The following SUGCT variants were observed in gnomAD, a reference collection of about 807,000 sequenced individuals.
SUGCT encodes the protein succinyl-CoA:glutarate CoA-transferase.
In SUGCT, 41 loss-of-function variants were observed where a neutral mutation model predicts 55.0. That is an observed-to-expected ratio of 0.74 (90% CI 0.58 to 0.97). SUGCT has a LOEUF of 0.97. SUGCT is among the 50% of genes least tolerant of loss of function. SUGCT has a pLI of 0.00. For missense variants in SUGCT, 568 were observed against 547.8 expected, an observed-to-expected ratio of 1.04 and a Z score of -0.37; for synonymous variants, 187 against 200.4, an observed-to-expected ratio of 0.93 and a Z score of 0.56.
chr7:40,716,636 A>G (rs1315687301), intron 12 of SUGCT, among the ~76,000 whole-genome samples: 40 of 152,132 alleles, frequency 2.6e-4, no homozygotes, highest in Admixed American at 2.6e-3. Context: ...GATTACTTTT[A>G]TTAAATATTT....
At chr7:40,670,710 A>G (rs1271370506) in intron 12 of SUGCT, among the ~76,000 whole-genome samples, 2 of 152,140 alleles carry the variant, frequency 1.3e-5, no homozygotes, top group African/African-American at 2.4e-5. Flanking sequence ...GCAAAATACT[A>G]CAACTCACTC....
intron 12 of SUGCT, among the ~76,000 whole-genome samples, chr7:40,627,316 T>C (rs556113549): frequency 6.6e-6 from 1 of 152,360 alleles, no homozygotes; most frequent in East Asian, 1.9e-4. Flanking sequence ...CAGAATCTTC[T>C]TGGGTCCAAA....
intron 6 of SUGCT, among the ~76,000 whole-genome samples, chr7:40,216,498 C>CAA (rs1022915051): frequency 0.047 from 2,306 of 49,318 alleles, 126 homozygotes; most frequent in African/African-American, 0.14. Context: ...GACTCCGTCT[C>CAA]AAAAAAAAAA....
intron 9 of SUGCT, among the ~76,000 whole-genome samples, chr7:40,371,540 A>C (rs1784295997): frequency 6.6e-6 from 1 of 152,288 alleles, no homozygotes; most frequent in Admixed American, 6.5e-5. Flanking sequence ...AGAGAAAACA[A>C]ATTCATTACA....
chr7:40,962,913 T>G, the SUGCT span, among the ~76,000 whole-genome samples: 1 of 152,160 alleles, frequency 6.6e-6, no homozygotes, highest in Non-Finnish European at 1.5e-5. Context: ...TAGGCAGGTT[T>G]CCAGGAAGAT....
chr7:40,875,835 A>C, the SUGCT span, among the ~76,000 whole-genome samples: 2 of 152,236 alleles, frequency 1.3e-5, no homozygotes. Flanking sequence ...TTCTGGTCCA[A>C]GGGATGAGGG....
the SUGCT span, among the ~76,000 whole-genome samples, chr7:40,902,485 C>T: frequency 1.4e-5 from 2 of 148,022 alleles, no homozygotes; most frequent in Non-Finnish European, 3.0e-5. Flanking sequence ...GAGGCTGAGG[C>T]AGGAGAATCA....
chr7:40,313,325 A>G (rs1031531825), intron 8 of SUGCT, among the ~76,000 whole-genome samples: 8 of 152,232 alleles, frequency 5.3e-5, no homozygotes, highest in African/African-American at 1.7e-4. Context: ...GTATATAGTT[A>G]TTAACCAAAA....
intron 13 of SUGCT, among the ~76,000 whole-genome samples, chr7:40,793,976 A>G (rs1049731042): frequency 1.1e-4 from 16 of 152,076 alleles, no homozygotes; most frequent in African/African-American, 3.6e-4. Context: ...TGATTTACTT[A>G]TTTCTAAAAG....
At chr7:40,481,857 A>G (rs954928872) in intron 11 of SUGCT, among the ~76,000 whole-genome samples, 1 of 152,170 alleles carries the variant, frequency 6.6e-6, no homozygotes, top group African/African-American at 2.4e-5. Flanking sequence ...GCAACTCTTC[A>G]CAAAGGGCTT....
At chr7:40,402,758 T>A (rs1283205539) in intron 9 of SUGCT, among the ~76,000 whole-genome samples, 2 of 152,244 alleles carry the variant, frequency 1.3e-5, no homozygotes, top group East Asian at 3.8e-4. Context: ...AAGTCCGCTC[T>A]CATTGCTTCA....
intron 13 of SUGCT, among the ~76,000 whole-genome samples, chr7:40,792,011 C>T (rs1162507329): frequency 1.3e-5 from 2 of 152,140 alleles, no homozygotes; most frequent in African/African-American, 2.4e-5. Flanking sequence ...TAATCCTGTC[C>T]TCTGGCCACA....
At chr7:40,542,244 G>GTCA (rs138605949) in intron 12 of SUGCT, among the ~76,000 whole-genome samples, 30 of 151,954 alleles carry the variant, frequency 2.0e-4, no homozygotes, top group South Asian at 6.2e-4. Context: ...CATAACCATC[G>GTCA]TCATCATCAT....
chr7:40,333,679 A>G (rs1206423396), intron 9 of SUGCT, among the ~76,000 whole-genome samples: 1 of 98,710 alleles, frequency 1.0e-5, no homozygotes, highest in African/African-American at 4.3e-5. Context: ...ATATATATAT[A>G]TATATATATA....
intron 12 of SUGCT, among the ~76,000 whole-genome samples, chr7:40,691,677 A>G (rs1380405136): frequency 6.6e-6 from 1 of 152,218 alleles, no homozygotes; most frequent in African/African-American, 2.4e-5. Context: ...CATCAGATTT[A>G]TAGTATTCAA....
At chr7:40,202,604 G>A (rs929086667) in intron 6 of SUGCT, among the ~76,000 whole-genome samples, 2 of 152,096 alleles carry the variant, frequency 1.3e-5, no homozygotes, top group South Asian at 2.1e-4. Context: ...AAGTTAAAGG[G>A]TGCAATAAGG....
intron 9 of SUGCT, among the ~76,000 whole-genome samples, chr7:40,366,978 C>T (rs1158625868): frequency 3.3e-5 from 5 of 152,204 alleles, no homozygotes; most frequent in African/African-American, 4.8e-5. Context: ...ATGTTTATTG[C>T]GGCACTATTC....
chr7:40,782,250 A>G (rs987388621), intron 13 of SUGCT, among the ~76,000 whole-genome samples: 2 of 152,072 alleles, frequency 1.3e-5, no homozygotes, highest in African/African-American at 4.8e-5. Flanking sequence ...ACACAGTCAT[A>G]TTATATTCTG....
intron 12 of SUGCT, among the ~76,000 whole-genome samples, chr7:40,642,282 T>C (rs1800302181): frequency 6.6e-6 from 1 of 152,236 alleles, no homozygotes; most frequent in Non-Finnish European, 1.5e-5. Flanking sequence ...AGTGATCAAA[T>C]GCAGAGATAC....
Sources: allele counts gnomAD v4.1 joint callset (sites outside exome capture counted in the v4.1 genomes callset), GRCh38; gene constraint gnomAD v4.1.1; transcripts MANE v1.5; gene names NCBI Gene and HGNC (gene_info 2026-07-23, HGNC 2026-07-21).